FRMD3: variants seen among roughly 807,000 people sequenced by gnomAD.
The protein encoded by FRMD3 is FERM domain containing 3.
In FRMD3, 33 loss-of-function variants were observed where a neutral mutation model predicts 70.2. The ratio of observed to expected loss-of-function variants is 0.47; its 90% CI spans 0.36 to 0.63. The LOEUF is 0.63. Among genes scored for constraint, FRMD3 ranks in the 20% least tolerant of loss-of-function variants. The probability of loss-of-function intolerance (pLI) is 0.00; values close to 1 mark genes in which losing one functional copy is unlikely to be tolerated. For missense variants in FRMD3, 632 were observed against 711.4 expected (o/e 0.89, Z 1.27); for synonymous variants, 279 against 255.9 (o/e 1.09, Z -0.86).
At chr9:83,584,198 T>C in the FRMD3 span, among the ~76,000 whole-genome samples, 1 of 152,012 alleles carries the variant, frequency 6.6e-6, no homozygotes, top group Non-Finnish European at 1.5e-5. Context: ...TAGCTGGGCA[T>C]GGTGGCGCAC....
At chr9:83,436,950 T>C (rs933936403) in intron 1 of FRMD3, among the ~76,000 whole-genome samples, 1 of 152,092 alleles carries the variant, frequency 6.6e-6, no homozygotes, top group African/African-American at 2.4e-5. Flanking sequence ...CTGAAATATA[T>C]AACCCTTCAG....
At chr9:83,349,104 T>C (rs1370379999) in intron 4 of FRMD3, among the ~76,000 whole-genome samples, 1 of 152,072 alleles carries the variant, frequency 6.6e-6, no homozygotes, top group Non-Finnish European at 1.5e-5. Flanking sequence ...TGTGCCCAGG[T>C]TATTCAAGGA....
intron 10 of FRMD3, among the ~76,000 whole-genome samples, 181 bp downstream of exon 10, chr9:83,309,355 G>A (rs1002095732): frequency 4.6e-5 from 7 of 151,046 alleles, no homozygotes; most frequent in Non-Finnish European, 7.4e-5. Context: ...CTCAGAACTC[G>A]GTCAGGCCAA....
At chr9:83,265,235 CT>C (rs1833191523) in intron 13 of FRMD3, among the ~76,000 whole-genome samples, 1 of 151,660 alleles carries the variant, frequency 6.6e-6, no homozygotes. Flanking sequence ...CCCGTCTCTA[CT>C]AAAAATACAA....
At chr9:83,397,274 C>A (rs1417294940) in intron 1 of FRMD3, among the ~76,000 whole-genome samples, 2 of 152,172 alleles carry the variant, frequency 1.3e-5, no homozygotes, top group Non-Finnish European at 2.9e-5. Context: ...TCCGCTTCTT[C>A]CATTTCCCTC....
chr9:83,496,503 A>G (rs1828946215), intron 1 of FRMD3, among the ~76,000 whole-genome samples: 1 of 152,202 alleles, frequency 6.6e-6, no homozygotes, highest in Non-Finnish European at 1.5e-5. Context: ...TTGCTAAAAT[A>G]AACACTCTTA....
chr9:83,535,179 C>CA (rs1335056653), intron 1 of FRMD3, among the ~76,000 whole-genome samples: 1 of 152,126 alleles, frequency 6.6e-6, no homozygotes, highest in African/African-American at 2.4e-5. Flanking sequence ...AGAGATCAGA[C>CA]ATAATGAGTG....
intron 1 of FRMD3, among the ~76,000 whole-genome samples, chr9:83,427,897 A>C (rs1305763241): frequency 6.6e-6 from 1 of 152,192 alleles, no homozygotes; most frequent in African/African-American, 2.4e-5. Flanking sequence ...TGACATTTCC[A>C]AGGTTTGGTG....
intron 1 of FRMD3, among the ~76,000 whole-genome samples, chr9:83,486,242 T>G (rs1828688079): frequency 6.6e-6 from 1 of 152,200 alleles, no homozygotes. Flanking sequence ...CTACTCATGA[T>G]GCTGAGACGT....
intron 3 of FRMD3, among the ~76,000 whole-genome samples, chr9:83,364,077 T>G: frequency 6.6e-6 from 1 of 152,236 alleles, no homozygotes; most frequent in South Asian, 2.1e-4. Flanking sequence ...TTCTTGGTCA[T>G]TTATTTTTAT....
the FRMD3 span, among the ~76,000 whole-genome samples, chr9:83,571,857 G>A: frequency 6.6e-6 from 1 of 152,206 alleles, no homozygotes; most frequent in Non-Finnish European, 1.5e-5. Context: ...AAGAGAATGA[G>A]AGAAGAGAAA....
intron 1 of FRMD3, among the ~76,000 whole-genome samples, chr9:83,524,124 C>T (rs983030654): frequency 6.6e-6 from 1 of 152,218 alleles, no homozygotes; most frequent in Non-Finnish European, 1.5e-5. Context: ...TAAAAGTCCT[C>T]TAAATACCAT....
chr9:83,372,690 G>T (rs574087248), intron 3 of FRMD3, among the ~76,000 whole-genome samples: 2 of 152,064 alleles, frequency 1.3e-5, no homozygotes, highest in African/African-American at 2.4e-5. Flanking sequence ...GGCAAGATGG[G>T]GGGGAGGGAG....
chr9:83,357,592 ATTTT>A (rs958072038), intron 3 of FRMD3, among the ~76,000 whole-genome samples: 1 of 151,506 alleles, frequency 6.6e-6, no homozygotes, highest in Non-Finnish European at 1.5e-5. Context: ...AACATTTATT[ATTTT>A]TTTATTTTTA....
intron 1 of FRMD3, among the ~76,000 whole-genome samples, chr9:83,518,216 A>G (rs767882730): frequency 1.3e-5 from 2 of 152,226 alleles, no homozygotes; most frequent in Non-Finnish European, 2.9e-5. Flanking sequence ...TTTGCAGATG[A>G]CATGATTGTA....
At chr9:83,395,483 C>A (rs1374013981) in intron 1 of FRMD3, among the ~76,000 whole-genome samples, 1 of 152,072 alleles carries the variant, frequency 6.6e-6, no homozygotes, top group East Asian at 1.9e-4. Flanking sequence ...TCCCTCCTCC[C>A]ACTCTCCACC....
At chr9:83,499,187 CTGTCCA>C (rs1829010084) in intron 1 of FRMD3, among the ~76,000 whole-genome samples, 1 of 152,178 alleles carries the variant, frequency 6.6e-6, no homozygotes, top group Admixed American at 6.5e-5. Flanking sequence ...GGGTGCAGTA[CTGTCCA>C]AAATGACACT....
At chr9:83,519,992 G>A (rs1205890220) in intron 1 of FRMD3, among the ~76,000 whole-genome samples, 2 of 152,132 alleles carry the variant, frequency 1.3e-5, no homozygotes, top group African/African-American at 4.8e-5. Context: ...GGGGCCTGTT[G>A]GGGGATGGGG....
At chr9:83,446,182 A>G (rs1827454781) in intron 1 of FRMD3, among the ~76,000 whole-genome samples, 1 of 63,408 alleles carries the variant, frequency 1.6e-5, no homozygotes, top group Non-Finnish European at 2.7e-5. Context: ...CACAACAGCA[A>G]GAAAGAACAG....
Sources: gnomAD v4.1 joint callset for allele counts (sites outside exome capture counted in the v4.1 genomes callset) on GRCh38, gnomAD v4.1.1 for gene constraint, MANE v1.5 for transcripts, NCBI Gene and HGNC (gene_info 2026-07-23, HGNC 2026-07-21) for gene names.